The following UBE4B variants were observed in gnomAD, a reference collection of about 807,000 sequenced individuals.
UBE4B encodes the protein ubiquitin conjugation factor E4 B.
UBE4B carries 27 observed loss-of-function variants against 148.1 expected under a neutral mutation model. The ratio of observed to expected loss-of-function variants is 0.18; its 90% CI spans 0.13 to 0.25. The LOEUF (loss-of-function observed/expected upper bound fraction) is 0.25. UBE4B is among the 10% of genes least tolerant of loss of function. UBE4B has a pLI of 1.00. For synonymous variants in UBE4B, 596 were observed against 619.3 expected, an observed-to-expected ratio of 0.96 and a Z score of 0.56; for missense variants, 1,170 against 1,662.4, an observed-to-expected ratio of 0.70 and a Z score of 5.15.
chr1:10,130,857 G>A (rs1167816254), intron 14 of UBE4B, 44 bp downstream of exon 14: 2 of 1,551,528 alleles, frequency 1.3e-6, no homozygotes, highest in Non-Finnish European at 8.9e-7. Context: ...TCAAAGATGA[G>A]CTCCAGATAC....
chr1:10,150,289 G>A (rs1645948202), intron 20 of UBE4B, among the ~76,000 whole-genome samples: 1 of 152,040 alleles, frequency 6.6e-6, no homozygotes, highest in Non-Finnish European at 1.5e-5. Flanking sequence ...CAAAAACGTG[G>A]TTTATTTGTT....
chr1:10,126,906 A>G, intron 11 of UBE4B, 29 bp downstream of exon 11: 1 of 1,538,686 alleles, frequency 6.5e-7, no homozygotes, highest in Non-Finnish European at 9.0e-7. Context: ...TCTTTAACTC[A>G]TTCAATAGAT....
Position 10,065,361 on chromosome 1 carries a change from A to C in UBE4B, c.25-6667A>C, listed in dbSNP as rs535542802. 7.9e-5 allele frequency among the ~76,000 whole-genome samples: 12 copies of C among 152,196 alleles called. No individual in the cohort carries two copies. In the South Asian group the frequency reaches 2.3e-3, roughly 29 times the overall value. ...TGGCGGGAGGAGCATGCGGGGGAGGAAGGCACAGCTCCACAATAAGCAACC... is the reference window on the plus strand; with the variant it reads ...TGGCGGGAGGAGCATGCGGGGGAGGCAGGCACAGCTCCACAATAAGCAACC... On this transcript the variant is annotated intron_variant, in intron 1 of 27. Coordinates refer to ENST00000343090, the MANE Select transcript of UBE4B (RefSeq NM_001105562.3).
intron 10 of UBE4B, among the ~76,000 whole-genome samples, chr1:10,126,324 T>C (rs1249956428): frequency 6.6e-6 from 1 of 151,818 alleles, no homozygotes; most frequent in African/African-American, 2.4e-5. Context: ...GATAGATAGA[T>C]AGATAGATAG....
At chr1:10,103,633 T>G (rs1003108119) in intron 5 of UBE4B, among the ~76,000 whole-genome samples, 7 of 127,678 alleles carry the variant, frequency 5.5e-5, no homozygotes, top group African/African-American at 1.2e-4. Flanking sequence ...TTTGTTTTTG[T>G]TTTTTTTTTT....
Position 10,033,583 on chromosome 1 carries a change from T to C in UBE4B, c.-88T>C, listed in dbSNP as rs1422077585. On this transcript the variant is annotated 5_prime_UTR_variant, in exon 1 of 28. Transcript: ENST00000343090. ...CCATTCGGGGGACCAGACAGCCTGA[T>C]AGACACCTTCCACTCTCCTTCCTCC... 2 of 1,415,114 alleles carry C rather than the reference T, an allele frequency of 1.4e-6. No homozygotes were observed. Among genetic ancestry groups the C allele is most frequent in the Non-Finnish European group, 1.9e-6 (2 of 1,070,190 alleles). 87.7% of individuals were successfully genotyped at this position (1,415,114 alleles called of 1,614,324 possible). A position where few individuals can be genotyped will look rare whatever the true frequency, so the allele number is the denominator to read the frequency against.
intron 23 of UBE4B, among the ~76,000 whole-genome samples, chr1:10,167,440 A>AT (rs1407525807): frequency 9.8e-5 from 14 of 143,178 alleles, no homozygotes; most frequent in African/African-American, 3.7e-4. Flanking sequence ...TCCGTCTCAA[A>AT]AAATAATAAT....
At chr1:10,143,394 C>T (rs900784070) in intron 17 of UBE4B, among the ~76,000 whole-genome samples, 1 of 151,348 alleles carries the variant, frequency 6.6e-6, no homozygotes, top group Non-Finnish European at 1.5e-5. Context: ...GAGTGAGGCT[C>T]AGTCTAAAAA....
At chr1:10,072,653 G>GTATCCT (rs1348258687) in intron 2 of UBE4B, 1 of 580,730 alleles carries the variant, frequency 1.7e-6, no homozygotes, top group Non-Finnish European at 3.0e-6. Context: ...CTTTTCAGAG[G>GTATCCT]ATAAAACTAC....
At chr1:10,038,939 A>G (rs780398340) in intron 1 of UBE4B, among the ~76,000 whole-genome samples, 155 of 152,192 alleles carry the variant, frequency 1.0e-3, no homozygotes, top group Non-Finnish European at 8.8e-4. Context: ...ACGCACCTGT[A>G]ATCCCAGCTA....
chr1:10,138,532 C>T (rs1027648878), intron 17 of UBE4B, among the ~76,000 whole-genome samples: 1 of 152,142 alleles, frequency 6.6e-6, no homozygotes, highest in African/African-American at 2.4e-5. Flanking sequence ...CCGTGCCTGG[C>T]CTAAAATCAC....
intron 2 of UBE4B, among the ~76,000 whole-genome samples, chr1:10,087,624 T>C (rs1048451398): frequency 5.3e-5 from 8 of 152,188 alleles, no homozygotes; most frequent in African/African-American, 1.9e-4. Flanking sequence ...TTGGGGAAGA[T>C]TATGTCACAC....
chr1:10,159,817 G>A (rs964142347), intron 22 of UBE4B, among the ~76,000 whole-genome samples: 1 of 152,182 alleles, frequency 6.6e-6, no homozygotes, highest in Non-Finnish European at 1.5e-5. Context: ...ATTACCAGTG[G>A]AATAACTATT....
intron 20 of UBE4B, 37 bp downstream of exon 20, chr1:10,149,319 T>G (rs969730299): frequency 6.8e-7 from 1 of 1,463,452 alleles, no homozygotes; most frequent in Admixed American, 2.0e-5. Flanking sequence ...TTCTAATATG[T>G]TTTTATGCAT....
intron 1 of UBE4B, among the ~76,000 whole-genome samples, chr1:10,041,740 A>G (rs886521175): frequency 6.6e-6 from 1 of 151,854 alleles, no homozygotes; most frequent in Non-Finnish European, 1.5e-5. Context: ...CTGTGTCCCC[A>G]TGCTGGAGTG....
chr1:10,077,090 G>C (rs1291033978), intron 2 of UBE4B, among the ~76,000 whole-genome samples: 1 of 151,956 alleles, frequency 6.6e-6, no homozygotes, highest in African/African-American at 2.4e-5. Flanking sequence ...AGTTTCCTAG[G>C]GCTGCTGTAA....
intron 2 of UBE4B, among the ~76,000 whole-genome samples, chr1:10,082,794 C>T (rs915249852): frequency 4.0e-5 from 6 of 151,634 alleles, no homozygotes; most frequent in Non-Finnish European, 8.8e-5. Flanking sequence ...TGTCCTAATG[C>T]TCTCCCTCCC....
intron 17 of UBE4B, among the ~76,000 whole-genome samples, chr1:10,143,594 C>T: frequency 6.6e-6 from 1 of 152,194 alleles, no homozygotes; most frequent in East Asian, 1.9e-4. Flanking sequence ...TCTACAACGT[C>T]CCTTTCGCCA....
At position 10,040,742 on chromosome 1, in the gene UBE4B, C is replaced by T. The variant is rs6681003; in HGVS notation, c.24+7048C>T. On this transcript the variant is annotated intron_variant, in intron 1 of 27. Coordinates refer to ENST00000343090, the MANE Select transcript of UBE4B (RefSeq NM_001105562.3). ...AAGCGATTCTCCTGCCTCAGCCTCCCGAGTAGCTGGGATTACAAGCATGTA... is the reference window on the plus strand; with the variant it reads ...AAGCGATTCTCCTGCCTCAGCCTCCTGAGTAGCTGGGATTACAAGCATGTA... Among the ~76,000 whole-genome samples the T allele has an allele frequency of 5.3e-3, 809 of 152,130 alleles. 10 individuals carry two copies. Among genetic ancestry groups the T allele is most frequent in the African/African-American group, 0.018 (754 of 41,498 alleles).
Sources: allele counts gnomAD v4.1 joint callset (sites outside exome capture counted in the v4.1 genomes callset), GRCh38; gene constraint gnomAD v4.1.1; transcripts MANE v1.5; gene names NCBI Gene and HGNC (gene_info 2026-07-23, HGNC 2026-07-21).